The following SPOCK1 variants were observed in gnomAD, a reference collection of about 807,000 sequenced individuals.
SPOCK1 encodes SPARC (osteonectin), cwcv and kazal like domains proteoglycan 1, also known as testican-1.
A neutral mutation model predicts 55.3 loss-of-function variants in SPOCK1; 23 were observed. The ratio of observed to expected loss-of-function variants is 0.42; its 90% confidence interval spans 0.30 to 0.59. The LOEUF is 0.59. SPOCK1 is among the 20% of genes least tolerant of loss of function. The probability of loss-of-function intolerance (pLI) is 0.22; values close to 1 mark genes in which losing one functional copy is unlikely to be tolerated. For synonymous variants in SPOCK1, 226 were observed against 221.0 expected (o/e 1.02, Z -0.20); for missense variants, 499 against 552.5 (o/e 0.90, Z 0.97).
Position 137,126,348 on chromosome 5 carries a change from T to C in SPOCK1, c.348-13787A>G, listed in dbSNP as rs981223038. On this transcript the variant is annotated intron_variant, in intron 4 of 10. Transcript: ENST00000394945. ...ACAGCCTGCAGAACCATGAGCCAAA[T>C]ATATATCTTTTCTTTATAAATTACC... is the stretch of plus-strand genomic sequence containing the variant. Among the ~76,000 whole-genome samples, 9 of 152,102 alleles carry C rather than the reference T, an allele frequency of 5.9e-5. No homozygotes were observed. In the East Asian group the frequency reaches 1.7e-3, roughly 29 times the overall value.
At chr5:137,092,764 C>T (rs940156882) in intron 5 of SPOCK1, among the ~76,000 whole-genome samples, 2 of 152,224 alleles carry the variant, frequency 1.3e-5, no homozygotes, top group South Asian at 2.1e-4. Context: ...AGCACTCACA[C>T]TTGCACACAT....
At chr5:137,019,897 A>G (rs1041602705) in intron 6 of SPOCK1, among the ~76,000 whole-genome samples, 1 of 152,046 alleles carries the variant, frequency 6.6e-6, no homozygotes, top group African/African-American at 2.4e-5. Flanking sequence ...ACACAAACCC[A>G]TATCAATAAT....
intron 3 of SPOCK1, among the ~76,000 whole-genome samples, chr5:137,241,302 A>C (rs1275798104): frequency 6.6e-6 from 1 of 152,216 alleles, no homozygotes. Flanking sequence ...CAAAAGACAA[A>C]CACCACCACA....
intron 2 of SPOCK1, among the ~76,000 whole-genome samples, chr5:137,419,303 T>A (rs1453369746): frequency 6.6e-6 from 1 of 152,218 alleles, no homozygotes; most frequent in Non-Finnish European, 1.5e-5. Context: ...TGGTTCCATA[T>A]GAACTTTAAA....
intron 2 of SPOCK1, among the ~76,000 whole-genome samples, chr5:137,468,484 G>A (rs1454639888): frequency 6.6e-6 from 1 of 152,154 alleles, no homozygotes; most frequent in African/African-American, 2.4e-5. Context: ...TATTTGTACA[G>A]GAAAAGAAAT....
intron 6 of SPOCK1, among the ~76,000 whole-genome samples, chr5:137,014,836 C>T (rs997203300): frequency 2.6e-5 from 4 of 152,118 alleles, no homozygotes; most frequent in Admixed American, 6.5e-5. Flanking sequence ...ATGTGAAAAC[C>T]GCCAAGGACT....
At position 137,165,575 on chromosome 5, in the gene SPOCK1, G is replaced by A. The variant is rs530414564; in HGVS notation, c.233-24881C>T. 2.8e-3 allele frequency among the ~76,000 whole-genome samples: 429 copies of A among 152,228 alleles called. 2 individuals carry two copies. Among genetic ancestry groups the A allele is most frequent in the African/African-American group, 9.7e-3 (402 of 41,548 alleles). ...GACCTTACCAAATGAACTAAATAAGGCACCAGGGACCAATCCTGGAGAAAC... is the reference window on the plus strand; with the variant it reads ...GACCTTACCAAATGAACTAAATAAGACACCAGGGACCAATCCTGGAGAAAC... On this transcript the variant is annotated intron_variant, in intron 3 of 10. Coordinates refer to ENST00000394945, the MANE Select transcript of SPOCK1 (RefSeq NM_004598.4).
At chr5:137,122,414 T>C (rs1580762216) in intron 4 of SPOCK1, among the ~76,000 whole-genome samples, 1 of 152,206 alleles carries the variant, frequency 6.6e-6, no homozygotes, top group East Asian at 1.9e-4. Flanking sequence ...TAATAGTTAG[T>C]GATGCGCTCT....
At chr5:137,495,324 A>G (rs1754276616) in intron 2 of SPOCK1, among the ~76,000 whole-genome samples, 1 of 152,218 alleles carries the variant, frequency 6.6e-6, no homozygotes, top group South Asian at 2.1e-4. Flanking sequence ...TAGTCAAGGG[A>G]TATGGAACAC....
At chr5:137,194,090 C>T (rs1460918161) in intron 3 of SPOCK1, among the ~76,000 whole-genome samples, 2 of 152,166 alleles carry the variant, frequency 1.3e-5, no homozygotes, top group Non-Finnish European at 2.9e-5. Flanking sequence ...AAAAATATTG[C>T]ACACCTCACT....
chr5:137,382,406 GTGCCCCAC>G (rs1330251524), intron 2 of SPOCK1, among the ~76,000 whole-genome samples: 1 of 152,160 alleles, frequency 6.6e-6, no homozygotes, highest in Non-Finnish European at 1.5e-5. Flanking sequence ...CTTTATAGCA[GTGCCCCAC>G]TCTCCTGGTA....
chr5:136,983,296 A>G (rs888040911), intron 9 of SPOCK1, among the ~76,000 whole-genome samples: 2 of 152,200 alleles, frequency 1.3e-5, no homozygotes, highest in African/African-American at 4.8e-5. Context: ...ACCCAGACCC[A>G]GGTGACTCTA....
chr5:137,303,688 T>C (rs1291249047), intron 2 of SPOCK1, among the ~76,000 whole-genome samples: 1 of 152,054 alleles, frequency 6.6e-6, no homozygotes, highest in Non-Finnish European at 1.5e-5. Context: ...CAGGCAAGGC[T>C]TCAGGAGGAG....
At chr5:137,435,270 G>A (rs1214193668) in intron 2 of SPOCK1, among the ~76,000 whole-genome samples, 1 of 152,160 alleles carries the variant, frequency 6.6e-6, no homozygotes, top group African/African-American at 2.4e-5. Context: ...TTCCTTAAGA[G>A]AATTCTCAAA....
chr5:137,417,597 G>A lies in SPOCK1; in HGVS notation c.186+80776C>T, dbSNP rs113097223. On this transcript the variant is annotated intron_variant, in intron 2 of 10. Transcript: ENST00000394945. ...CTGTCACAATTGATAAATGTTACCT[G>A]CTCTAGAACTTTACATTAAGAAAAC... Among the ~76,000 whole-genome samples the A allele has an allele frequency of 1.2e-3, 188 of 152,014 alleles. 2 individuals are homozygous for A. Among genetic ancestry groups the A allele is most frequent in the African/African-American group, 4.3e-3 (177 of 41,468 alleles).
chr5:137,323,902 G>A (rs761292071), intron 2 of SPOCK1, among the ~76,000 whole-genome samples: 2 of 151,684 alleles, frequency 1.3e-5, no homozygotes, highest in African/African-American at 2.4e-5. Flanking sequence ...AGCCATTACG[G>A]AAAACAGCAT....
chr5:137,443,708 TGTGGTC>T (rs1400055058), intron 2 of SPOCK1, among the ~76,000 whole-genome samples: 1 of 152,218 alleles, frequency 6.6e-6, no homozygotes, highest in East Asian at 1.9e-4. Context: ...CACCAACGGC[TGTGGTC>T]TGTACCTCCT....
At chr5:137,266,737 C>G (rs1756858465) in intron 3 of SPOCK1, among the ~76,000 whole-genome samples, 2 of 148,632 alleles carry the variant, frequency 1.3e-5, no homozygotes, top group Non-Finnish European at 3.0e-5. Context: ...ATTTGATAAT[C>G]AAATTTCACT....
chr5:137,300,821 G>A (rs1033119041), intron 2 of SPOCK1, among the ~76,000 whole-genome samples: 6 of 152,108 alleles, frequency 3.9e-5, no homozygotes, highest in Non-Finnish European at 5.9e-5. Flanking sequence ...TCTCAGCTGT[G>A]ACCTCCAGCA....
Sources: gnomAD v4.1 joint callset for allele counts (sites outside exome capture counted in the v4.1 genomes callset) on GRCh38, gnomAD v4.1.1 for gene constraint, MANE v1.5 for transcripts, NCBI Gene and HGNC (gene_info 2026-07-23, HGNC 2026-07-21) for gene names.